Variants in ASPM observed in about 807,000 individuals in gnomAD.
ASPM encodes the protein abnormal spindle-like microcephaly-associated protein.
A neutral mutation model predicts 366.4 loss-of-function variants in ASPM; 256 were observed. That is an observed-to-expected ratio of 0.70 (90% CI 0.63 to 0.77). The LOEUF (loss-of-function observed/expected upper bound fraction) is 0.77, where lower values mean the gene tolerates loss of function less well. Among genes scored for constraint, ASPM ranks in the 30% least tolerant of loss-of-function variants. The pLI, the probability that ASPM is intolerant of heterozygous loss-of-function variation, is 0.00. For synonymous variants in ASPM, 1,414 were observed against 1,342.9 expected (o/e 1.05, Z -1.16); for missense variants, 4,146 against 4,090.4 (o/e 1.01, Z -0.37).
rs531328868 is a variant in ASPM, at chr1:197,125,339, G to T, written c.2937-148C>A. The T allele has an allele frequency of 3.1e-5, 31 of 991,042 alleles. 1 individual carries two copies. In the South Asian group the frequency reaches 4.3e-4, roughly 14 times the overall value. The allele number at this position is 991,042 out of a possible 1,614,324, so 61.4% of individuals were successfully genotyped here. A position where few individuals can be genotyped will look rare whatever the true frequency, so the allele number is the denominator to read the frequency against. ...CTTCAAAAAACTATCTCAAAACTCT[G>T]TTGCTCCATAGTCGGCAAGTAGAGT... On this transcript the variant is annotated intron_variant, in intron 10 of 27. Coordinates refer to ENST00000367409, the MANE Select transcript of ASPM (RefSeq NM_018136.5).
At position 197,102,232 on chromosome 1, in the gene ASPM, A is replaced by T. The variant is rs1032059622; in HGVS notation, c.7019T>A (p.Phe2340Tyr). The T allele has an allele frequency of 2.5e-6, 4 of 1,612,734 alleles. No homozygotes were observed. In the African/African-American group the frequency reaches 5.3e-5, roughly 22 times the overall value. The stretch of plus-strand genomic sequence containing the variant: ...GTGCATTCTGAAAGTAGACTGGATG[A>T]AAGTAGCAGCCCTGTGCATCTCTCG... ...RMREMHRAAT[F>Y]IQSTFRMHRL... The change falls in exon 18 of 28, where the codon TTC becomes TAC. Residue 2340 changes from phenylalanine to tyrosine, a missense_variant. Transcript: ENST00000367409.
rs80238010 is a variant in ASPM, at chr1:197,104,168, G to C, written c.5083C>G (p.Arg1695Gly). ...GCTCTTAAATGCAAATATTGTTTACGTGTTTGTTTCATCTTAACAGTTGAC... is the reference window on the plus strand; with the variant it reads ...GCTCTTAAATGCAAATATTGTTTACCTGTTTGTTTCATCTTAACAGTTGAC... The part of the protein sequence containing the change: ...LQSTVKMKQT[R>G]KQYLHLRAAA... The change falls in exon 18 of 28, where the codon CGT (arginine) becomes GGT (glycine). Residue 1695 changes from arginine to glycine, a missense_variant. Coordinates refer to ENST00000367409, the MANE Select transcript of ASPM (RefSeq NM_018136.5). 6.2e-7 allele frequency: 1 copy of C among 1,612,598 alleles called. No homozygotes were observed. The highest frequency in any genetic ancestry group is 1.7e-5 in the Admixed American group (1 of 59,764).
At chr1:197,116,214 A>C (rs1657732584) in intron 17 of ASPM, among the ~76,000 whole-genome samples, 2 of 152,122 alleles carry the variant, frequency 1.3e-5, no homozygotes, top group South Asian at 4.1e-4. Flanking sequence ...CTAGCTTCAA[A>C]ATTTTTGCAG....
chr1:197,128,808 A>G, intron 9 of ASPM, 143 bp from the exon 10 acceptor site: 1 of 726,384 alleles, frequency 1.4e-6, no homozygotes, highest in South Asian at 2.5e-5. Context: ...TGCAAACTTC[A>G]TACATATTTC....
intron 8 of ASPM, among the ~76,000 whole-genome samples, chr1:197,129,676 C>A (rs1000079322): frequency 3.9e-5 from 6 of 152,050 alleles, no homozygotes; most frequent in African/African-American, 1.4e-4. Flanking sequence ...ACAAACATGA[C>A]CCCCATAGGA....
intron 19 of ASPM, among the ~76,000 whole-genome samples, chr1:197,094,994 G>A (rs1299321723): frequency 6.6e-6 from 1 of 151,520 alleles, no homozygotes; most frequent in Non-Finnish European, 1.5e-5. Context: ...TATTTACAGA[G>A]TACATGTGAT....
Position 197,142,604 on chromosome 1 carries a change from G to T in ASPM, c.1648C>A (p.Pro550Thr), listed in dbSNP as rs764977482. ...TAACTCTTAGATTTACTTAATATTG[G>T]ATCTATAATTGGAAGATAAGAATGA... ...DFHSYLPIID[P>T]ILSKSKSYKN... The change falls in exon 3 of 28, where the codon CCA becomes ACA. Residue 550 changes from proline (P) to threonine (T), a missense_variant. Pro to Thr is a conservative substitution (Grantham distance 38). This residue lies in a region of ASPM where 3,624 missense variants were observed against 3,591.7 expected (regional missense o/e 1.01). Coordinates refer to ENST00000367409, the MANE Select transcript of ASPM (RefSeq NM_018136.5). 244 of 1,612,702 alleles carry T rather than the reference G, an allele frequency of 1.5e-4. No homozygotes were observed. Among genetic ancestry groups the T allele is most frequent in the Non-Finnish European group, 2.0e-4 (239 of 1,178,970 alleles).
intron 16 of ASPM, 38 bp downstream of exon 16, chr1:197,121,877 A>T: frequency 6.4e-7 from 1 of 1,567,064 alleles, no homozygotes. Context: ...CTTCTAAAGT[A>T]TAATTCACAC....
At chr1:197,085,531 G>A (rs189781208) in intron 27 of ASPM, among the ~76,000 whole-genome samples, 1 of 152,228 alleles carries the variant, frequency 6.6e-6, no homozygotes, top group Admixed American at 6.5e-5. Flanking sequence ...AGTGAACAAA[G>A]TGTGGTACGA....
In ASPM at chr1:197,084,317, A is replaced by G. The variant is rs1380574937; in HGVS notation, c.*7T>C. On this transcript the variant is annotated 3_prime_UTR_variant, in exon 28 of 28. Transcript: ENST00000367409. Reference sequence around the variant, plus strand: ...TACACTATACATACTGAAAATGTTTACATTTACTAATAAGGAATGCCAAGC... The same window carrying G: ...TACACTATACATACTGAAAATGTTTGCATTTACTAATAAGGAATGCCAAGC... 3 of 1,587,228 alleles carry G rather than the reference A, an allele frequency of 1.9e-6. No individual in the cohort carries two copies. Among genetic ancestry groups the G allele is most frequent in the Non-Finnish European group, 2.6e-6 (3 of 1,156,240 alleles).
Position 197,101,630 on chromosome 1 carries a change from A to G in ASPM, c.7621T>C (p.Tyr2541His), listed in dbSNP as rs1219099420. 1 of 1,611,678 alleles carries G rather than the reference A, an allele frequency of 6.2e-7. No individual in the cohort carries two copies. The change falls in exon 18 of 28, where the codon TAT becomes CAT. Residue 2541 changes from tyrosine (Y) to histidine (H), a missense_variant. By Grantham distance (83) the Tyr-to-His change is moderately conservative (BLOSUM62 2). Around this residue, in one of 3 missense-constraint regions of ASPM, gnomAD observed 3,624 missense variants for 3,591.7 expected, o/e 1.01. Coordinates refer to ENST00000367409, the MANE Select transcript of ASPM (RefSeq NM_018136.5). ...WHSAVVIQAAYKGMKARQLLR... is the reference protein window; with the variant it reads ...WHSAVVIQAAHKGMKARQLLR... ...AGTTGTCTTGCTTTCATTCCTTTAT[A>G]TGCAGCCTGAATAACCACAGCAGAA...
At chr1:197,089,717 T>C (rs1162275621) in intron 25 of ASPM, among the ~76,000 whole-genome samples, 3 of 151,898 alleles carry the variant, frequency 2.0e-5, no homozygotes, top group Non-Finnish European at 4.4e-5. Flanking sequence ...TTAATCATCA[T>C]TGTTTTTAAT....
intron 13 of ASPM, among the ~76,000 whole-genome samples, chr1:197,122,825 T>G (rs1057199572): frequency 1.3e-5 from 2 of 152,182 alleles, no homozygotes; most frequent in African/African-American, 4.8e-5. Flanking sequence ...GATTTCAGAC[T>G]TCTAACCTCT....
intron 9 of ASPM, 23 bp from the exon 10 acceptor site, chr1:197,128,688 T>C: frequency 6.5e-7 from 1 of 1,548,740 alleles, no homozygotes. Flanking sequence ...AAGTTCCAGA[T>C]ATTATATTCC....
intron 17 of ASPM, among the ~76,000 whole-genome samples, chr1:197,106,764 A>G (rs528774335): frequency 6.6e-6 from 1 of 152,246 alleles, no homozygotes; most frequent in South Asian, 2.1e-4. Flanking sequence ...TCACAAAAAT[A>G]CATTAAGTTG....
chr1:197,124,375 T>C (rs1389367193), intron 12 of ASPM, 44 bp from the exon 13 acceptor site: 4 of 1,317,676 alleles, frequency 3.0e-6, no homozygotes, highest in Middle Eastern at 2.6e-4. Context: ...ATATTTTCCA[T>C]AGATTATTTT....
At chr1:197,092,154 T>C in intron 21 of ASPM, 98 bp from the exon 22 acceptor site, 1 of 1,190,482 alleles carries the variant, frequency 8.4e-7, no homozygotes, top group Non-Finnish European at 1.2e-6. Flanking sequence ...TTATATAAAC[T>C]AGCAAGAATA....
chr1:197,130,042 T>C lies in ASPM; in HGVS notation c.2502A>G (p.Glu834=). The change falls in exon 8 of 28, where the codon GAA becomes GAG. Residue 834 remains glutamate, a synonymous_variant. Transcript: ENST00000367409. Reference sequence around the variant, plus strand: ...CACTGTTATCTTCCAAAGATATGAGTTCTCCATAAGTTGTCTGAAAATAAA... The same window carrying C: ...CACTGTTATCTTCCAAAGATATGAGCTCTCCATAAGTTGTCTGAAAATAAA... ...LRIGLETTYG[E]LISLEDNSDV... is the part of the protein sequence containing the mutation. The C allele has an allele frequency of 6.2e-7, 1 of 1,613,784 alleles. No individual in the cohort carries two copies. The highest frequency in any genetic ancestry group is 8.5e-7 in the Non-Finnish European group (1 of 1,179,840).
chr1:197,101,326 T>C lies in ASPM; in HGVS notation c.7925A>G (p.Lys2642Arg). 6.2e-7 allele frequency: 1 copy of C among 1,611,460 alleles called. No individual in the cohort carries two copies. Residue 2642 changes from lysine to arginine, a missense_variant, in exon 18 of 28, where the codon AAG becomes AGG. This residue lies in a region of ASPM where 3,624 missense variants were observed against 3,591.7 expected (regional missense o/e 1.01). Transcript: ENST00000367409. ...QKHCKAFKIRKHYLHLRATVV... is the reference protein window; with the variant it reads ...QKHCKAFKIRRHYLHLRATVV... ...TGTTGCTCTAAGGTGGAGATAATGC[T>C]TCCTTATTTTAAAGGCTTTACAATG...
Sources: allele counts gnomAD v4.1 joint callset (sites outside exome capture counted in the v4.1 genomes callset), GRCh38; gene constraint gnomAD v4.1.1; regional missense constraint gnomAD v4.1.1; transcripts MANE v1.5; gene names NCBI Gene and HGNC (gene_info 2026-07-23, HGNC 2026-07-21).